LPAR1: variants seen among roughly 807,000 people sequenced by gnomAD.
LPAR1 encodes lysophosphatidic acid receptor 1.
A neutral mutation model predicts 23.8 loss-of-function variants in LPAR1; 5 were observed. That is an observed-to-expected ratio of 0.21 (90% confidence interval 0.11 to 0.44). LPAR1 has a LOEUF of 0.44. Among genes scored for constraint, LPAR1 ranks in the 20% least tolerant of loss-of-function variants. The pLI, the probability that LPAR1 is intolerant of heterozygous loss-of-function variation, is 0.99. For synonymous variants in LPAR1, 160 were observed against 164.7 expected (o/e 0.97, Z 0.22); for missense variants, 311 against 482.8 (o/e 0.64, Z 3.33).
intron 2 of LPAR1, among the ~76,000 whole-genome samples, chr9:111,032,015 G>T (rs997024051): frequency 2.6e-5 from 4 of 152,200 alleles, no homozygotes; most frequent in African/African-American, 7.2e-5. Flanking sequence ...CATGAGAGAA[G>T]GGGTCTGTCC....
At chr9:110,907,093 G>A (rs966789341) in intron 5 of LPAR1, among the ~76,000 whole-genome samples, 4 of 151,988 alleles carry the variant, frequency 2.6e-5, no homozygotes, top group Non-Finnish European at 4.4e-5. Flanking sequence ...TACATTGATC[G>A]TATTATCACT....
At chr9:110,999,576 G>GCTGGAAGTCGAAGACCAGGGTGA (rs2097090706) in intron 2 of LPAR1, 1 of 370,284 alleles carries the variant, frequency 2.7e-6, no homozygotes, top group African/African-American at 2.1e-5. Flanking sequence ...AGATCTGAAG[G>GCTGGAAGTCGAAGACCAGGGTGA]CTGGAAGTCG....
chr9:111,010,113 TA>T (rs2140525327), intron 2 of LPAR1, among the ~76,000 whole-genome samples: 1 of 149,958 alleles, frequency 6.7e-6, no homozygotes, highest in Non-Finnish European at 1.5e-5. Context: ...AATCCCACTT[TA>T]AAATTGAAAA....
chr9:110,938,320 G>A (rs1389293111), intron 5 of LPAR1, among the ~76,000 whole-genome samples: 4 of 152,186 alleles, frequency 2.6e-5, no homozygotes, highest in African/African-American at 9.7e-5. Context: ...CTACTGAAGT[G>A]GGAGACCAGC....
In LPAR1 at chr9:111,015,277, G is replaced by A. The variant is rs144851213; in HGVS notation, c.-182+20845C>T. On this transcript the variant is annotated intron_variant, in intron 2 of 5. Transcript: ENST00000683809. ...TGTCCTTGTTACTCTCTCCTACTTC[G>A]TCTCATTCAACGGTATTGTCATCCA... Among the ~76,000 whole-genome samples the A allele has an allele frequency of 1.9e-3, 295 of 152,048 alleles. 3 individuals carry two copies. The highest frequency in any genetic ancestry group is 6.8e-3 in the African/African-American group (280 of 41,448).
chr9:110,945,414 T>C (rs1358195202), intron 4 of LPAR1: 1 of 151,962 alleles, frequency 6.6e-6, no homozygotes, highest in African/African-American at 2.4e-5. Flanking sequence ...GAAGCAGATG[T>C]ATGGGAGGGG....
At chr9:111,011,437 TTCTC>T (rs2097329812) in intron 2 of LPAR1, among the ~76,000 whole-genome samples, 1 of 152,108 alleles carries the variant, frequency 6.6e-6, no homozygotes, top group South Asian at 2.1e-4. Flanking sequence ...TTGCTAGAAA[TTCTC>T]TCTCAAATGT....
At chr9:110,919,396 G>A (rs573481484) in intron 5 of LPAR1, among the ~76,000 whole-genome samples, 1 of 152,222 alleles carries the variant, frequency 6.6e-6, no homozygotes, top group African/African-American at 2.4e-5. Flanking sequence ...AACCCAACTG[G>A]TACGCAGACT....
chr9:110,991,621 G>T (rs915312202), intron 2 of LPAR1, among the ~76,000 whole-genome samples: 15 of 150,798 alleles, frequency 9.9e-5, no homozygotes, highest in African/African-American at 2.9e-4. Context: ...TGTTGTTGTT[G>T]TTTTTTGGGA....
chr9:110,901,065 G>C (rs1158154848), intron 5 of LPAR1, among the ~76,000 whole-genome samples: 1 of 152,154 alleles, frequency 6.6e-6, no homozygotes, highest in Non-Finnish European at 1.5e-5. Flanking sequence ...TTCTGAGATG[G>C]GGGCGGATGA....
chr9:110,880,944 G>C (rs1453261881), intron 5 of LPAR1, among the ~76,000 whole-genome samples: 1 of 152,158 alleles, frequency 6.6e-6, no homozygotes, highest in Non-Finnish European at 1.5e-5. Context: ...TATCTTAACA[G>C]AGCCTATGTC....
intron 2 of LPAR1, among the ~76,000 whole-genome samples, chr9:111,013,674 C>A (rs1319771560): frequency 2.6e-5 from 4 of 151,844 alleles, no homozygotes; most frequent in South Asian, 2.1e-4. Context: ...TATTCTGATT[C>A]CAAAAAGAAA....
At chr9:110,964,308 A>C (rs2137578555) in intron 4 of LPAR1, among the ~76,000 whole-genome samples, 1 of 152,270 alleles carries the variant, frequency 6.6e-6, no homozygotes, top group South Asian at 2.1e-4. Flanking sequence ...AAAATAAATA[A>C]CCCACCAACT....
chr9:111,007,396 G>A (rs1020514632), intron 2 of LPAR1, among the ~76,000 whole-genome samples: 3 of 151,864 alleles, frequency 2.0e-5, no homozygotes, highest in African/African-American at 4.8e-5. Context: ...GTTTAAAAAC[G>A]AAAATTATAT....
At chr9:111,009,711 T>C (rs1225921809) in intron 2 of LPAR1, among the ~76,000 whole-genome samples, 2 of 151,964 alleles carry the variant, frequency 1.3e-5, no homozygotes, top group East Asian at 3.9e-4. Flanking sequence ...TATATGTATT[T>C]GAGTATATGA....
chr9:110,917,999 C>T (rs2093334049), intron 5 of LPAR1, among the ~76,000 whole-genome samples: 1 of 152,138 alleles, frequency 6.6e-6, no homozygotes, highest in Non-Finnish European at 1.5e-5. Context: ...ACCTACAGGC[C>T]TCATGCTATC....
chr9:110,999,044 G>C (rs1241118529), intron 2 of LPAR1, among the ~76,000 whole-genome samples: 1 of 152,148 alleles, frequency 6.6e-6, no homozygotes, highest in East Asian at 1.9e-4. Flanking sequence ...AAATCTTCGT[G>C]ATCAGTCAGC....
chr9:110,977,677 C>T (rs149460021), intron 2 of LPAR1, among the ~76,000 whole-genome samples: 146 of 152,084 alleles, frequency 9.6e-4, no homozygotes, highest in African/African-American at 1.3e-3. Context: ...ACCTAGATGA[C>T]GAGTTGATAG....
chr9:110,883,984 G>A (rs10817101), intron 5 of LPAR1, among the ~76,000 whole-genome samples: 21,095 of 139,892 alleles, frequency 0.15, 1,880 homozygotes, highest in Admixed American at 0.21. Context: ...GTGTATCCAT[G>A]AGCATTCTTT....
Sources: allele counts gnomAD v4.1 joint callset (sites outside exome capture counted in the v4.1 genomes callset), GRCh38; gene constraint gnomAD v4.1.1; transcripts MANE v1.5; gene names NCBI Gene and HGNC (gene_info 2026-07-23, HGNC 2026-07-21).